SPOP: variants seen among roughly 807,000 people sequenced by gnomAD.
The protein encoded by SPOP is speckle type BTB/POZ protein.
SPOP carries 11 observed loss-of-function variants against 45.6 expected under a neutral mutation model. The observed-to-expected ratio is 0.24, with a 90% CI of 0.15 to 0.40. The LOEUF is 0.40. Among genes scored for constraint, SPOP ranks in the 10% least tolerant of loss-of-function variants. The pLI is 1.00. For missense variants in SPOP, 152 were observed against 465.6 expected, an observed-to-expected ratio of 0.33 and a Z score of 6.20; for synonymous variants, 166 against 166.3, an observed-to-expected ratio of 1.00 and a Z score of 0.01.
chr17:49,669,811 G>GA (rs1475862702), intron 1 of SPOP, among the ~76,000 whole-genome samples: 1 of 149,066 alleles, frequency 6.7e-6, no homozygotes, highest in Non-Finnish European at 1.5e-5. Flanking sequence ...GATGTTCACT[G>GA]AAAAACTGTC....
intron 1 of SPOP, among the ~76,000 whole-genome samples, chr17:49,655,739 T>C (rs2072900782): frequency 6.6e-6 from 1 of 152,204 alleles, no homozygotes; most frequent in South Asian, 2.1e-4. Context: ...TTAAAACTAC[T>C]ATATAATAAT....
chr17:49,623,638 C>T (rs1166487806), intron 1 of SPOP, among the ~76,000 whole-genome samples: 1 of 152,180 alleles, frequency 6.6e-6, no homozygotes. Context: ...TATTCCTCAA[C>T]CCATTGCTGG....
chr17:49,654,298 G>GCCCA (rs2072879397), intron 1 of SPOP, among the ~76,000 whole-genome samples: 1 of 152,108 alleles, frequency 6.6e-6, no homozygotes, highest in Non-Finnish European at 1.5e-5. Flanking sequence ...TATCTATGTT[G>GCCCA]CCCAGGCTGT....
At chr17:49,640,114 G>A (rs2072618804) in intron 1 of SPOP, among the ~76,000 whole-genome samples, 2 of 151,976 alleles carry the variant, frequency 1.3e-5, no homozygotes, top group African/African-American at 2.4e-5. Context: ...TTAGCCAGAT[G>A]TGGTGGCGCA....
At chr17:49,639,884 G>T (rs1793911766) in intron 1 of SPOP, among the ~76,000 whole-genome samples, 1 of 152,096 alleles carries the variant, frequency 6.6e-6, no homozygotes, top group East Asian at 1.9e-4. Context: ...GGTTACCTAG[G>T]TATTTGCCTT....
At chr17:49,610,241 CAG>C (rs781616523) in intron 6 of SPOP, among the ~76,000 whole-genome samples, 2 of 151,738 alleles carry the variant, frequency 1.3e-5, no homozygotes, top group East Asian at 1.9e-4. Flanking sequence ...TCCCCCGAGA[CAG>C]AGTCTTGCTC....
chr17:49,676,797 G>A (rs556404747), intron 1 of SPOP, among the ~76,000 whole-genome samples: 13 of 152,108 alleles, frequency 8.5e-5, no homozygotes, highest in Non-Finnish European at 1.9e-4. Context: ...ACATATAATC[G>A]CTAACTGAAA....
chr17:49,648,100 C>T (rs2143475870), intron 1 of SPOP, among the ~76,000 whole-genome samples: 1 of 152,320 alleles, frequency 6.6e-6, no homozygotes, highest in African/African-American at 2.4e-5. Context: ...AGCTGTCCTG[C>T]TTCTCAATGT....
At chr17:49,673,425 G>T (rs1260417354) in intron 1 of SPOP, among the ~76,000 whole-genome samples, 1 of 151,974 alleles carries the variant, frequency 6.6e-6, no homozygotes, top group Non-Finnish European at 1.5e-5. Flanking sequence ...AGAATGGCAT[G>T]AACCCAGGAG....
At chr17:49,627,441 T>C (rs887297457) in intron 1 of SPOP, among the ~76,000 whole-genome samples, 2 of 152,224 alleles carry the variant, frequency 1.3e-5, no homozygotes, top group African/African-American at 4.8e-5. Flanking sequence ...ATGGCCAGAA[T>C]GAAATTTCAA....
intron 1 of SPOP, among the ~76,000 whole-genome samples, chr17:49,664,311 A>G (rs2073025101): frequency 1.3e-5 from 2 of 152,342 alleles, no homozygotes; most frequent in African/African-American, 4.8e-5. Flanking sequence ...TTGTCACATC[A>G]GACTGAATAG....
intron 1 of SPOP, among the ~76,000 whole-genome samples, chr17:49,624,331 GCACACACACACACA>G (rs58009760): frequency 1.7e-4 from 26 of 149,308 alleles, no homozygotes; most frequent in African/African-American, 3.5e-4. Context: ...GCGCGCGCGC[GCACACACACACACA>G]CACACACACA....
chr17:49,624,832 A>G (rs2072297071), intron 1 of SPOP, among the ~76,000 whole-genome samples: 2 of 151,886 alleles, frequency 1.3e-5, no homozygotes, highest in Non-Finnish European at 2.9e-5. Context: ...AACAAAGCCA[A>G]AAGACAAACT....
intron 5 of SPOP, among the ~76,000 whole-genome samples, chr17:49,612,213 T>C (rs1302649947): frequency 6.6e-6 from 1 of 152,234 alleles, no homozygotes; most frequent in African/African-American, 2.4e-5. Flanking sequence ...TAAAAGACGT[T>C]ATTTTAGTTA....
intron 1 of SPOP, among the ~76,000 whole-genome samples, chr17:49,647,267 G>C (rs111712489): frequency 0.011 from 1,388 of 129,138 alleles, 24 homozygotes; most frequent in African/African-American, 0.039. Flanking sequence ...CCGAGATCAC[G>C]CCACTGCACT....
Position 49,600,835 on chromosome 17 carries a change from GC to G in SPOP, c.981-314del. The G allele has an allele frequency of 7.4e-6, 2 of 269,568 alleles. No homozygotes were observed. The highest frequency in any genetic ancestry group is 1.4e-5 in the Non-Finnish European group (2 of 138,148). The allele number at this position is 269,568 out of a possible 1,614,324, so 16.7% of individuals were successfully genotyped here. A position where few individuals can be genotyped will look rare whatever the true frequency, so the allele number is the denominator to read the frequency against. ...CCGGTGATGCTAGTCATAAAAAGGA[GC>G]ATGGGCTCCCTCGGCCAGAAGCCCT... On this transcript the variant is annotated intron_variant, in intron 9 of 9. Coordinates refer to ENST00000504102, the MANE Select transcript of SPOP (RefSeq NM_001007228.2). This position sits in a 1 kb window ranked among gnomAD's most constrained non-coding sequence, Gnocchi z 4.2.
At chr17:49,629,740 T>C (rs961354419) in intron 1 of SPOP, among the ~76,000 whole-genome samples, 1 of 152,316 alleles carries the variant, frequency 6.6e-6, no homozygotes, top group African/African-American at 2.4e-5. Context: ...CTTTCACTTA[T>C]TTCCCATGAG....
At chr17:49,602,243 TCTAC>T (rs1333619023) in intron 8 of SPOP, 1 of 414,420 alleles carries the variant, frequency 2.4e-6, no homozygotes, top group African/African-American at 2.0e-5. Flanking sequence ...AGTTCTAAAG[TCTAC>T]CTATTAGAAA....
intron 1 of SPOP, among the ~76,000 whole-genome samples, chr17:49,663,001 G>A (rs2073008804): frequency 6.6e-6 from 1 of 152,192 alleles, no homozygotes; most frequent in South Asian, 2.1e-4. Flanking sequence ...GAAATTGTTT[G>A]CCTTTTTCAT....
Sources: gnomAD v4.1 joint callset for allele counts (sites outside exome capture counted in the v4.1 genomes callset) on GRCh38, gnomAD v4.1.1 for gene constraint, Gnocchi (gnomAD v3.1) non-coding constraint, MANE v1.5 for transcripts, NCBI Gene and HGNC (gene_info 2026-07-23, HGNC 2026-07-21) for gene names.